Variants in EVI5L observed in about 807,000 individuals in gnomAD.
The protein encoded by EVI5L is ecotropic viral integration site 5 like.
EVI5L carries 30 observed loss-of-function variants against 106.1 expected under a neutral mutation model. The ratio of observed to expected loss-of-function variants is 0.28; its 90% CI spans 0.21 to 0.38. EVI5L has a LOEUF of 0.38. Ranked by LOEUF, EVI5L falls within the 10% of genes least tolerant of loss-of-function variation. EVI5L has a pLI of 1.00. For synonymous variants in EVI5L, 489 were observed against 483.3 expected, an observed-to-expected ratio of 1.01 and a Z score of -0.15; for missense variants, 809 against 1,098.0, an observed-to-expected ratio of 0.74 and a Z score of 3.72.
intron 10 of EVI5L, chr19:7,853,658 G>T (rs939207011): frequency 1.0e-5 from 4 of 384,348 alleles, no homozygotes; most frequent in African/African-American, 2.1e-5. Context: ...TGCACGCGGT[G>T]GGCAAGGCTG....
intron 1 of EVI5L, among the ~76,000 whole-genome samples, chr19:7,833,662 C>T (rs1162700049): frequency 6.6e-6 from 1 of 152,186 alleles, no homozygotes; most frequent in African/African-American, 2.4e-5. Flanking sequence ...AAGCGTGGTG[C>T]GCTCAGGGAG....
intron 6 of EVI5L, 105 bp from the exon 7 acceptor site, chr19:7,851,329 C>A: frequency 1.4e-6 from 2 of 1,393,918 alleles, no homozygotes; most frequent in Non-Finnish European, 2.0e-6. Flanking sequence ...GGCTGCCCAG[C>A]GCAGGTCCAG....
intron 1 of EVI5L, among the ~76,000 whole-genome samples, chr19:7,836,493 C>A (rs1978348874): frequency 6.6e-6 from 1 of 152,164 alleles, no homozygotes; most frequent in African/African-American, 2.4e-5. Context: ...GGATTTAGGG[C>A]AAAGGCTATA....
In EVI5L at chr19:7,857,261, G is replaced by T. The variant is rs563117636; in HGVS notation, c.1233+137G>T. ...GCCATGCATGGAGCAGCTGGGGACC[G>T]CTTCTGGGGGACACAGAGGCTTCCC... is the stretch of plus-strand genomic sequence containing the variant. On this transcript the variant is annotated intron_variant, in intron 12 of 19. Transcript: ENST00000538904. This position sits in a 1 kb window ranked among gnomAD's most constrained non-coding sequence, Gnocchi z 4.5. The T allele has an allele frequency of 1.7e-5, 20 of 1,195,202 alleles. No homozygotes were observed. The East Asian group carries it at 4.6e-4, about 27-fold the overall frequency. The allele number at this position is 1,195,202 out of a possible 1,614,324, so 74.0% of individuals were successfully genotyped here. A position where few individuals can be genotyped will look rare whatever the true frequency, so the allele number is the denominator to read the frequency against.
At chr19:7,844,694 T>C (rs1479711654) in intron 1 of EVI5L, among the ~76,000 whole-genome samples, 3 of 152,210 alleles carry the variant, frequency 2.0e-5, no homozygotes, top group Non-Finnish European at 4.4e-5. Context: ...GCTTGGTCTT[T>C]AGGGCAGGTG....
intron 1 of EVI5L, among the ~76,000 whole-genome samples, chr19:7,843,163 GGTGT>G (rs367734314): frequency 4.2e-5 from 6 of 144,204 alleles, no homozygotes; most frequent in African/African-American, 1.0e-4. Context: ...AATAGGCATG[GGTGT>G]GTGTGTTGAG....
chr19:7,861,428 A>G (rs189107695), intron 14 of EVI5L, among the ~76,000 whole-genome samples: 52 of 152,272 alleles, frequency 3.4e-4, no homozygotes, highest in Non-Finnish European at 6.0e-4. Context: ...TCCTCCATCA[A>G]TGAGCCCTGG....
At chr19:7,859,926 C>A (rs112116117) in intron 13 of EVI5L, among the ~76,000 whole-genome samples, 1 of 152,208 alleles carries the variant, frequency 6.6e-6, no homozygotes, top group Non-Finnish European at 1.5e-5. Flanking sequence ...CTGAGGCAGT[C>A]CCCCAGAGAA....
intron 2 of EVI5L, among the ~76,000 whole-genome samples, chr19:7,847,391 C>T (rs1217440966): frequency 6.6e-6 from 1 of 152,102 alleles, no homozygotes; most frequent in Non-Finnish European, 1.5e-5. Context: ...AGTTCGAGAC[C>T]AGCCCGACCA....
At chr19:7,834,254 G>A (rs1978312717) in intron 1 of EVI5L, among the ~76,000 whole-genome samples, 1 of 152,140 alleles carries the variant, frequency 6.6e-6, no homozygotes, top group Admixed American at 6.5e-5. Context: ...AACCTGGGAG[G>A]CAGAGCTTGC....
At chr19:7,842,852 TGA>T (rs1032291056) in intron 1 of EVI5L, among the ~76,000 whole-genome samples, 14 of 151,748 alleles carry the variant, frequency 9.2e-5, no homozygotes, top group African/African-American at 2.2e-4. Flanking sequence ...TGTGTGTATC[TGA>T]GTGTGTCCAT....
chr19:7,847,666 G>T, intron 2 of EVI5L, 66 bp from the exon 3 acceptor site: 1 of 1,552,030 alleles, frequency 6.4e-7, no homozygotes, highest in East Asian at 2.3e-5. Context: ...AGGATGGGCT[G>T]GGCTCGCCAA....
Position 7,850,137 on chromosome 19 carries a change from A to C in EVI5L, c.753+15A>C, listed in dbSNP as rs1327946231. On this transcript the variant is annotated intron_variant, in intron 6 of 19. Transcript: ENST00000538904. The surrounding 1 kb of genome is among the most constrained non-coding windows in gnomAD (Gnocchi z 5.4). ...ACATGCTGCAGGTGAGCAGGGCCGCAGGAGAGCAGGGCTGCAGGAGGGCAG... is the reference window on the plus strand; with the variant it reads ...ACATGCTGCAGGTGAGCAGGGCCGCCGGAGAGCAGGGCTGCAGGAGGGCAG... 2 of 1,596,534 alleles carry C rather than the reference A, an allele frequency of 1.3e-6. No homozygotes were observed. Among genetic ancestry groups the C allele is most frequent in the African/African-American group, 2.7e-5 (2 of 74,762 alleles).
chr19:7,839,922 A>C (rs62125145), intron 1 of EVI5L, among the ~76,000 whole-genome samples: 23,584 of 151,978 alleles, frequency 0.16, 2,409 homozygotes, highest in Middle Eastern at 0.22. Flanking sequence ...ACAACAACAA[A>C]AAGACAGCAG....
Position 7,847,739 on chromosome 19 carries a change from G to A in EVI5L, c.145G>A (p.Glu49Lys). ...AKLEEQNRLL[E>K]ADSKSMRSMN... Reference sequence around the variant, plus strand: ...TCGGCCCTTCCTGCCCAGGCTCCTGGAGGCCGACTCCAAGTCCATGCGCTC... The same window carrying A: ...TCGGCCCTTCCTGCCCAGGCTCCTGAAGGCCGACTCCAAGTCCATGCGCTC... Residue 49 changes from glutamate (E) to lysine (K), a missense_variant, in exon 3 of 20, where the codon GAG becomes AAG. Glu to Lys is a moderately conservative substitution (Grantham distance 56, BLOSUM62 1). This residue lies in a region of EVI5L where 357 missense variants were observed against 588.1 expected (regional missense o/e 0.61). Transcript: ENST00000538904. The A allele has an allele frequency of 6.2e-7, 1 of 1,611,892 alleles. No individual in the cohort carries two copies. The highest frequency in any genetic ancestry group is 8.5e-7 in the Non-Finnish European group (1 of 1,179,402).
chr19:7,839,970 G>A (rs1054415703), intron 1 of EVI5L, among the ~76,000 whole-genome samples: 5 of 152,104 alleles, frequency 3.3e-5, no homozygotes, highest in Non-Finnish European at 5.9e-5. Flanking sequence ...TGGGAGTGAG[G>A]TGTGGGATGT....
intron 1 of EVI5L, among the ~76,000 whole-genome samples, chr19:7,832,459 C>G (rs1978297616): frequency 1.3e-5 from 2 of 152,228 alleles, no homozygotes; most frequent in Non-Finnish European, 2.9e-5. Flanking sequence ...CATTGCGGCT[C>G]AGTACCTCAA....
intron 1 of EVI5L, among the ~76,000 whole-genome samples, chr19:7,841,822 C>T (rs1978613042): frequency 6.6e-6 from 1 of 152,220 alleles, no homozygotes; most frequent in Admixed American, 6.5e-5. Context: ...CCTGCCTAGA[C>T]AGTGGCCGGC....
rs1253334447 is a variant in EVI5L at position 7,858,234 on chromosome 19, T to C, written c.1277T>C (p.Ile426Thr). The C allele has an allele frequency of 1.3e-6, 2 of 1,567,826 alleles. No homozygotes were observed. The highest frequency in any genetic ancestry group is 1.2e-5 in the South Asian group (1 of 85,316). The part of the protein sequence containing the change: ...RAQEAEENYV[I>T]KRELAVVRQQ... ...CAGGAGGCGGAGGAGAACTACGTCA[T>C]CAAGCGGGAGCTGGCGGTGGTGCGG... is the stretch of plus-strand genomic sequence containing the variant. Residue 426 changes from isoleucine (I) to threonine (T), a missense_variant, in exon 13 of 20, where the codon ATC (isoleucine) becomes ACC (threonine). Around this residue, in one of 2 missense-constraint regions of EVI5L, gnomAD observed 357 missense variants for 588.1 expected, o/e 0.61. Transcript: ENST00000538904. This position sits in a 1 kb window ranked among gnomAD's most constrained non-coding sequence, Gnocchi z 5.7.
Sources: allele counts gnomAD v4.1 joint callset (sites outside exome capture counted in the v4.1 genomes callset), GRCh38; gene constraint gnomAD v4.1.1; regional missense constraint gnomAD v4.1.1; non-coding constraint Gnocchi (gnomAD v3.1); transcripts MANE v1.5; gene names NCBI Gene and HGNC (gene_info 2026-07-23, HGNC 2026-07-21).